EPRS1: variants seen among roughly 807,000 people sequenced by gnomAD.
The protein encoded by EPRS1 is glutamyl-prolyl-tRNA synthetase 1.
Under a neutral mutation model 188.3 loss-of-function variants are expected in EPRS1, and 107 were observed. The ratio of observed to expected loss-of-function variants is 0.57; its 90% confidence interval spans 0.49 to 0.67. The LOEUF (loss-of-function observed/expected upper bound fraction) is 0.67, where lower values mean the gene tolerates loss of function less well. Among genes scored for constraint, EPRS1 ranks in the 30% least tolerant of loss-of-function variants. EPRS1 has a pLI of 0.00. For missense variants in EPRS1, 1,577 were observed against 1,802.2 expected, an observed-to-expected ratio of 0.88 and a Z score of 2.26; for synonymous variants, 596 against 593.1, an observed-to-expected ratio of 1.00 and a Z score of -0.07.
chr1:220,037,872 T>A (rs933053587), intron 2 of EPRS1, among the ~76,000 whole-genome samples: 2 of 152,040 alleles, frequency 1.3e-5, no homozygotes, highest in Non-Finnish European at 2.9e-5. Context: ...CATGGAAAAC[T>A]AACAGTTTTA....
rs1298713508 is a variant in EPRS1 at position 219,997,249 on chromosome 1, C to A, written c.2275G>T (p.Val759Phe). Residue 759 changes from valine (V) to phenylalanine (F), a missense_variant, in exon 18 of 32, where the codon GTT becomes TTT. Val to Phe is a conservative substitution (Grantham distance 50). This residue lies in a region of EPRS1 where 1,278 missense variants were observed against 1,457.4 expected (regional missense o/e 0.88). Coordinates refer to ENST00000366923, the MANE Select transcript of EPRS1 (RefSeq NM_004446.3). Reference sequence around the variant, plus strand: ...AATTCACGAACCACATCTCCTTGAACAGCCACTCTATTGTAAAGGACCAAG... The same window carrying A: ...AATTCACGAACCACATCTCCTTGAAAAGCCACTCTATTGTAAAGGACCAAG... ...DSLVLYNRVA[V>F]QGDVVRELKA... 2 of 1,614,028 alleles carry A rather than the reference C, an allele frequency of 1.2e-6. No individual in the cohort carries two copies. Among genetic ancestry groups the A allele is most frequent in the Non-Finnish European group, 1.7e-6 (2 of 1,179,964 alleles).
At chr1:219,983,906 A>C (rs1660951665) in intron 21 of EPRS1, among the ~76,000 whole-genome samples, 1 of 152,002 alleles carries the variant, frequency 6.6e-6, no homozygotes. Flanking sequence ...AAAAAAAAAA[A>C]AAAAACTTGA....
chr1:219,989,997 A>T (rs1394557110), intron 18 of EPRS1, among the ~76,000 whole-genome samples: 2 of 152,138 alleles, frequency 1.3e-5, no homozygotes, highest in African/African-American at 4.8e-5. Flanking sequence ...AATGGAAAAG[A>T]AGGAACTTCC....
intron 13 of EPRS1, 26 bp downstream of exon 13, chr1:220,010,920 C>A: frequency 7.6e-7 from 1 of 1,318,294 alleles, no homozygotes; most frequent in East Asian, 2.3e-5. Flanking sequence ...CAGAGAGAAA[C>A]ACATTGGTGA....
rs2102562971 is a variant in EPRS1 at position 219,979,522 on chromosome 1, A to G, written c.3805T>C (p.Tyr1269His). 1.2e-6 allele frequency: 2 copies of G among 1,613,962 alleles called. No individual in the cohort carries two copies. The highest frequency in any genetic ancestry group is 2.2e-5 in the East Asian group (1 of 44,860). The change falls in exon 27 of 32, where the codon TAT (tyrosine) becomes CAT (histidine). Residue 1269 changes from tyrosine to histidine, a missense_variant. By Grantham distance (83) the Tyr-to-His change is moderately conservative. Transcript: ENST00000366923. The stretch of plus-strand genomic sequence containing the variant: ...GTTGTCAGGCCCCAGGAGTTTTGAT[A>G]GGCAAATTGCTTCTCTCCTGGTATC... The part of the protein sequence containing the change: ...PKIPGEKQFA[Y>H]QNSWGLTTRT...
At chr1:219,987,533 G>A (rs1260802089) in intron 19 of EPRS1, 129 bp from the exon 20 acceptor site, 1 of 759,966 alleles carries the variant, frequency 1.3e-6, no homozygotes, top group Non-Finnish European at 2.1e-6. Flanking sequence ...AATGTGCCCA[G>A]GTGGTGATAA....
intron 28 of EPRS1, among the ~76,000 whole-genome samples, chr1:219,976,700 G>A (rs1660788371): frequency 6.6e-6 from 1 of 152,114 alleles, no homozygotes; most frequent in African/African-American, 2.4e-5. Flanking sequence ...AAGACACAGA[G>A]GTGGAAAAAC....
chr1:219,979,515 T>G lies in EPRS1; in HGVS notation c.3812A>C (p.Asn1271Thr), dbSNP rs758272448. ...IPGEKQFAYQNSWGLTTRTIG... is the reference protein window; with the variant it reads ...IPGEKQFAYQTSWGLTTRTIG... ...AGTTCGAGTTGTCAGGCCCCAGGAG[T>G]TTTGATAGGCAAATTGCTTCTCTCC... The change falls in exon 27 of 32, where the codon AAC becomes ACC. Residue 1271 changes from asparagine to threonine, a missense_variant. Around this residue, in one of 3 missense-constraint regions of EPRS1, gnomAD observed 296 missense variants for 327.9 expected, o/e 0.90. Transcript: ENST00000366923. 21 of 1,613,772 alleles carry G rather than the reference T, an allele frequency of 1.3e-5. No homozygotes were observed. In the South Asian group the frequency reaches 2.3e-4, roughly 18 times the overall value.
chr1:220,030,850 GGGAGGCCGA>G (rs1662070762), intron 5 of EPRS1, among the ~76,000 whole-genome samples: 1 of 152,290 alleles, frequency 6.6e-6, no homozygotes, highest in South Asian at 2.1e-4. Context: ...CCAGCACTTT[GGGAGGCCGA>G]GGATGGCAGA....
At chr1:219,977,213 T>G (rs1216104717) in intron 28 of EPRS1, among the ~76,000 whole-genome samples, 1 of 152,170 alleles carries the variant, frequency 6.6e-6, no homozygotes, top group East Asian at 1.9e-4. Context: ...ATACCTTCAC[T>G]AGATAGTGAA....
At chr1:219,977,624 G>A (rs1375465775) in intron 28 of EPRS1, among the ~76,000 whole-genome samples, 4 of 151,972 alleles carry the variant, frequency 2.6e-5, no homozygotes, top group Non-Finnish European at 5.9e-5. Flanking sequence ...AATTAAAAAG[G>A]AAATGACATG....
intron 13 of EPRS1, among the ~76,000 whole-genome samples, chr1:220,009,660 GAGCACCAGAGCAA>G (rs1351055087): frequency 6.6e-6 from 1 of 151,694 alleles, no homozygotes; most frequent in Non-Finnish European, 1.5e-5. Context: ...ACTCCAGCCT[GAGCACCAGAGCAA>G]GGCCCATTTC....
At chr1:220,018,570 T>C in intron 11 of EPRS1, 62 bp from the exon 12 acceptor site, 1 of 1,052,504 alleles carries the variant, frequency 9.5e-7, no homozygotes, top group East Asian at 2.4e-5. Context: ...TTTGCCTTTA[T>C]TTCATGCTAA....
intron 2 of EPRS1, among the ~76,000 whole-genome samples, chr1:220,036,827 T>C (rs146595615): frequency 6.5e-4 from 99 of 151,682 alleles, no homozygotes; most frequent in African/African-American, 2.3e-3. Context: ...GAACCTAAAA[T>C]AAAAGTTCAT....
intron 28 of EPRS1, among the ~76,000 whole-genome samples, chr1:219,975,436 G>T (rs1660758078): frequency 6.6e-6 from 1 of 152,146 alleles, no homozygotes; most frequent in African/African-American, 2.4e-5. Context: ...GGTGGTTTTT[G>T]TTGTTGTTGT....
At chr1:219,992,859 G>A (rs926888579) in intron 18 of EPRS1, among the ~76,000 whole-genome samples, 8 of 152,042 alleles carry the variant, frequency 5.3e-5, no homozygotes, top group South Asian at 4.1e-4. Flanking sequence ...CCCAGGAGGC[G>A]GAGGCGCCAA....
At chr1:220,012,227 C>T (rs969054688) in intron 12 of EPRS1, among the ~76,000 whole-genome samples, 2 of 54,382 alleles carry the variant, frequency 3.7e-5, no homozygotes, top group Admixed American at 4.7e-4. Flanking sequence ...TCATTCCTTC[C>T]TTGAGGCTTA....
intron 15 of EPRS1, 95 bp from the exon 16 acceptor site, chr1:220,005,455 C>T (rs1571677245): frequency 1.7e-6 from 1 of 595,808 alleles, no homozygotes; most frequent in Non-Finnish European, 2.9e-6. Context: ...TAAAATACTC[C>T]CATTTTAAAC....
chr1:220,006,192 T>C lies in EPRS1; in HGVS notation c.1864A>G (p.Ile622Val). The C allele has an allele frequency of 1.9e-6, 3 of 1,606,302 alleles. No individual in the cohort carries two copies. The highest frequency in any genetic ancestry group is 1.3e-5 in the African/African-American group (1 of 74,852). ...ETTHALPIPV[I>V]CVTYEHLITK... ...ATCAAGTGCTCATAAGTGACACAGA[T>C]TACTGGAATAGGAAGAGCATGTGTA... Residue 622 changes from isoleucine to valine, a missense_variant, in exon 15 of 32, where the codon ATC (isoleucine) becomes GTC (valine). Coordinates refer to ENST00000366923, the MANE Select transcript of EPRS1 (RefSeq NM_004446.3).
Sources: allele counts gnomAD v4.1 joint callset (sites outside exome capture counted in the v4.1 genomes callset), GRCh38; gene constraint gnomAD v4.1.1; regional missense constraint gnomAD v4.1.1; transcripts MANE v1.5; gene names NCBI Gene and HGNC (gene_info 2026-07-23, HGNC 2026-07-21).